ZNF439: variants seen among roughly 807,000 people sequenced by gnomAD.
ZNF439 encodes zinc finger protein 439.
Under a neutral mutation model 47.3 loss-of-function variants are expected in ZNF439, and 40 were observed. The ratio of observed to expected loss-of-function variants is 0.85; its 90% CI spans 0.66 to 1.10. The LOEUF (loss-of-function observed/expected upper bound fraction) is 1.10, where lower values mean the gene tolerates loss of function less well. ZNF439 is among the 50% of genes least tolerant of loss of function. The pLI is 0.00. For missense variants in ZNF439, 556 were observed against 601.1 expected (o/e 0.93, Z 0.78); for synonymous variants, 171 against 198.8 (o/e 0.86, Z 1.18).
rs781734307 is a variant in ZNF439 at position 11,867,800 on chromosome 19, G to A, written c.746G>A (p.Cys249Tyr). 13 of 1,613,966 alleles carry A rather than the reference G, an allele frequency of 8.1e-6. No individual in the cohort carries two copies. The Admixed American group carries it at 1.7e-4, about 21-fold the overall frequency. The change falls in exon 4 of 4, where the codon TGT becomes TAT. Residue 249 changes from cysteine to tyrosine, a missense_variant. Transcript: ENST00000682736. ...RTHTGEKPYE[C>Y]KQCGKSFSYS... ...CACACTGGAGAGAAACCGTATGAAT[G>A]TAAACAATGTGGTAAATCTTTTAGT...
At chr19:11,855,161 A>G (rs948296535) in intron 1 of ZNF439, among the ~76,000 whole-genome samples, 4 of 152,228 alleles carry the variant, frequency 2.6e-5, no homozygotes, top group Admixed American at 6.5e-5. Flanking sequence ...AAGAAGAAGT[A>G]TTAAAAGCTT....
At chr19:11,849,000 C>A in intron 1 of ZNF439, 70 bp downstream of exon 1, 1 of 1,431,772 alleles carries the variant, frequency 7.0e-7, no homozygotes, top group South Asian at 1.2e-5. Flanking sequence ...CCGGGCCTCC[C>A]TGTGGGCGAC....
At chr19:11,850,588 A>T (rs895831289) in intron 1 of ZNF439, 1 of 152,150 alleles carries the variant, frequency 6.6e-6, no homozygotes, top group Non-Finnish European at 1.5e-5. Context: ...CTCCAGAAAA[A>T]TGGACTCAGT....
At chr19:11,854,303 A>G (rs1289580701) in intron 1 of ZNF439, among the ~76,000 whole-genome samples, 2 of 152,254 alleles carry the variant, frequency 1.3e-5, no homozygotes, top group African/African-American at 4.8e-5. Flanking sequence ...CCAAGGAAAC[A>G]ATAGCCAAAA....
At chr19:11,866,028 A>AT in intron 1 of ZNF439, 177 bp from the exon 2 acceptor site, 1 of 1,459,182 alleles carries the variant, frequency 6.9e-7, no homozygotes, top group Non-Finnish European at 9.0e-7. Context: ...AAAAATAAAA[A>AT]AAAAAATTGC....
rs1044046068 is a variant in ZNF439, at chr19:11,868,503, C to G, written c.1449C>G (p.Val483=). The part of the protein sequence containing the change: ...CKKCGKAFRY[V]QNFRFHERTQ... ...AATGTGGGAAAGCCTTCAGATATGT[C>G]CAGAACTTTCGATTTCATGAAAGGA... The change falls in exon 4 of 4, where the codon GTC becomes GTG. Residue 483 remains valine, a synonymous_variant. Coordinates refer to ENST00000682736, the MANE Select transcript of ZNF439 (RefSeq NM_001348719.2). The G allele has an allele frequency of 1.2e-6, 2 of 1,611,558 alleles. No homozygotes were observed. Among genetic ancestry groups the G allele is most frequent in the African/African-American group, 2.7e-5 (2 of 74,250 alleles).
chr19:11,866,190 T>C lies in ZNF439; in HGVS notation c.64-15T>C. On this transcript the variant is annotated splice_polypyrimidine_tract_variant and intron_variant, in intron 1 of 3. Transcript: ENST00000682736. ...ACTCTCACCCATCCTCCTCTACACA[T>C]GTGAGATGTTTCAGGACCCAGTGGC... 1 of 1,614,094 alleles carries C rather than the reference T, an allele frequency of 6.2e-7. No individual in the cohort carries two copies. Among genetic ancestry groups the C allele is most frequent in the Non-Finnish European group, 8.5e-7 (1 of 1,180,010 alleles).
chr19:11,849,568 C>T (rs1377200133), intron 1 of ZNF439: 1 of 154,068 alleles, frequency 6.5e-6, no homozygotes, highest in Admixed American at 6.5e-5. Context: ...AATGATGGAT[C>T]AAGGCTGGAA....
At position 11,868,582 on chromosome 19, in the gene ZNF439, T is replaced by C; in HGVS notation, c.*13T>C. The C allele has an allele frequency of 6.3e-7, 1 of 1,590,304 alleles. No individual in the cohort carries two copies. Among genetic ancestry groups the C allele is most frequent in the Non-Finnish European group, 8.5e-7 (1 of 1,171,600 alleles). On this transcript the variant is annotated 3_prime_UTR_variant, in exon 4 of 4. Transcript: ENST00000682736. ...AAAGACCTTATAAATATAAGATATA[T>C]GGGAAACACTTTTATTCTGCCAAGT... is the stretch of plus-strand genomic sequence containing the variant.
At position 11,868,311 on chromosome 19, in the gene ZNF439, A is replaced by G. The variant is rs777688419; in HGVS notation, c.1257A>G (p.Gln419=). ...GAGAGAAACCCTATGAGTGTAAGCA[A>G]TGTGGGAAAGCCTTCAGATCTGCCC... ...HTGEKPYECK[Q]CGKAFRSAPN... Residue 419 remains glutamine (Q), a synonymous_variant, in exon 4 of 4, where the codon CAA becomes CAG. Coordinates refer to ENST00000682736, the MANE Select transcript of ZNF439 (RefSeq NM_001348719.2). The G allele has an allele frequency of 1.2e-6, 2 of 1,613,726 alleles. No individual in the cohort carries two copies. Among genetic ancestry groups the G allele is most frequent in the African/African-American group, 2.7e-5 (2 of 74,878 alleles).
rs1976304974 is a variant in ZNF439 at position 11,853,448 on chromosome 19, A to T, written c.63+4518A>T. Among the ~76,000 whole-genome samples, 4 of 152,048 alleles carry T rather than the reference A, an allele frequency of 2.6e-5. No individual in the cohort carries two copies. In the South Asian group the frequency reaches 8.3e-4, roughly 32 times the overall value. ...TTTACTGAGTAAAGGGGATAGAGAG[A>T]AGCGGGTGGTTGTAGGTCAGCTACT... On this transcript the variant is annotated intron_variant, in intron 1 of 3. Coordinates refer to ENST00000682736, the MANE Select transcript of ZNF439 (RefSeq NM_001348719.2).
intron 1 of ZNF439, among the ~76,000 whole-genome samples, chr19:11,851,644 A>G (rs954523469): frequency 2.0e-5 from 3 of 149,406 alleles, no homozygotes; most frequent in Non-Finnish European, 4.4e-5. Context: ...AGGCTGATGT[A>G]TGAGGTACAA....
rs1451481862 is a variant in ZNF439 at position 11,849,174 on chromosome 19, A to AGCCCGAC, written c.63+249_63+255dup. ...CCCTTTTGTGCAGCTCCGCGCCCGC[A>AGCCCGAC]GCCCGACGCCCCAGCTTGTGCGGGG... is the stretch of plus-strand genomic sequence containing the variant. On this transcript the variant is annotated intron_variant, in intron 1 of 3. Transcript: ENST00000682736. The AGCCCGAC allele has an allele frequency of 3.7e-6, 4 of 1,080,504 alleles. No individual in the cohort carries two copies. The Admixed American group carries it at 2.0e-4, about 55-fold the overall frequency. 66.9% of individuals were successfully genotyped at this position (1,080,504 alleles called of 1,614,324 possible).
intron 1 of ZNF439, chr19:11,851,022 A>AC (rs1976223783): frequency 6.6e-6 from 1 of 152,146 alleles, no homozygotes; most frequent in East Asian, 1.9e-4. Flanking sequence ...ACAGAGTGAG[A>AC]CCCCATCTCA....
intron 1 of ZNF439, 35 bp downstream of exon 1, chr19:11,848,965 AG>A: frequency 6.6e-7 from 1 of 1,520,074 alleles, no homozygotes; most frequent in Non-Finnish European, 8.9e-7. Flanking sequence ...GCGATGGGGG[AG>A]GGGCTGCCTG....
chr19:11,854,720 C>T (rs755502150), intron 1 of ZNF439, among the ~76,000 whole-genome samples: 9 of 151,654 alleles, frequency 5.9e-5, no homozygotes, highest in Non-Finnish European at 8.8e-5. Context: ...ATCGTGCCAC[C>T]GCACTCAAGC....
At chr19:11,853,828 AAAC>A (rs1279836933) in intron 1 of ZNF439, among the ~76,000 whole-genome samples, 5 of 152,186 alleles carry the variant, frequency 3.3e-5, no homozygotes, top group Non-Finnish European at 7.4e-5. Flanking sequence ...AACAGAGACT[AAAC>A]AACATCATTC....
At chr19:11,852,540 C>T (rs1976277060) in intron 1 of ZNF439, among the ~76,000 whole-genome samples, 1 of 152,184 alleles carries the variant, frequency 6.6e-6, no homozygotes, top group Non-Finnish European at 1.5e-5. Flanking sequence ...GACGGGGTCT[C>T]ACTCTGTCGT....
chr19:11,868,840 C>T lies in ZNF439; in HGVS notation c.*271C>T, dbSNP rs555161098. 47 of 502,590 alleles carry T rather than the reference C, an allele frequency of 9.4e-5. No individual in the cohort carries two copies. The highest frequency in any genetic ancestry group is 3.5e-4 in the African/African-American group (18 of 51,742). The allele number at this position is 502,590 out of a possible 1,614,324, so 31.1% of individuals were successfully genotyped here. On this transcript the variant is annotated 3_prime_UTR_variant, in exon 4 of 4. Coordinates refer to ENST00000682736, the MANE Select transcript of ZNF439 (RefSeq NM_001348719.2). Reference sequence around the variant, plus strand: ...TATGAATGTAAGAAATGTGGAAAAGCGTTCCATAATTTCTCTTCTTTTCAA... The same window carrying T: ...TATGAATGTAAGAAATGTGGAAAAGTGTTCCATAATTTCTCTTCTTTTCAA...
Sources: gnomAD v4.1 joint callset for allele counts (sites outside exome capture counted in the v4.1 genomes callset) on GRCh38, gnomAD v4.1.1 for gene constraint, MANE v1.5 for transcripts, NCBI Gene and HGNC (gene_info 2026-07-23, HGNC 2026-07-21) for gene names.